Variants in IL1RAPL2 observed in about 807,000 individuals in gnomAD.
The protein encoded by IL1RAPL2 is interleukin 1 receptor accessory protein like 2.
A neutral mutation model predicts 44.1 loss-of-function variants in IL1RAPL2; 3 were observed. The ratio of observed to expected loss-of-function variants is 0.07; its 90% CI spans 0.03 to 0.18. The LOEUF (loss-of-function observed/expected upper bound fraction) is 0.18. Among genes scored for constraint, IL1RAPL2 ranks in the 10% least tolerant of loss-of-function variants. The probability of loss-of-function intolerance (pLI) is 1.00; values close to 1 mark genes in which losing one functional copy is unlikely to be tolerated. For missense variants in IL1RAPL2, 391 were observed against 496.4 expected (o/e 0.79, Z 2.02); for synonymous variants, 181 against 178.8 (o/e 1.01, Z -0.10).
At chrX:105,651,603 A>G (rs917124196) in intron 6 of IL1RAPL2, among the ~76,000 whole-genome samples, 1 of 111,598 alleles carries the variant, frequency 9.0e-6, no homozygotes, top group Non-Finnish European at 1.9e-5. Flanking sequence ...TCATTTTACA[A>G]TGTGCTATTT....
chrX:105,422,488 A>G (rs192124498), intron 5 of IL1RAPL2, among the ~76,000 whole-genome samples: 25 of 112,406 alleles, frequency 2.2e-4, no homozygotes, highest in African/African-American at 7.7e-4. Flanking sequence ...GTCCTGTTAT[A>G]GAGGAAAACA....
chrX:104,910,213 C>T (rs923465300), intron 2 of IL1RAPL2, among the ~76,000 whole-genome samples: 6 of 112,015 alleles, frequency 5.4e-5, no homozygotes, highest in African/African-American at 1.9e-4. Context: ...TGCTTCGGCT[C>T]GCTCACGGTG....
At chrX:104,967,667 T>C (rs2030152565) in intron 2 of IL1RAPL2, among the ~76,000 whole-genome samples, 1 of 110,496 alleles carries the variant, frequency 9.1e-6, no homozygotes, top group Admixed American at 9.6e-5. Context: ...TGTACATACA[T>C]GAGAAGAAGA....
At chrX:105,335,257 G>A (rs947487048) in intron 5 of IL1RAPL2, among the ~76,000 whole-genome samples, 2 of 111,417 alleles carry the variant, frequency 1.8e-5, no homozygotes, top group Admixed American at 1.9e-4. Flanking sequence ...CACCATAGCT[G>A]TTCAGTGGGT....
chrX:104,762,058 T>C (rs1330280277), intron 2 of IL1RAPL2, among the ~76,000 whole-genome samples: 1 of 106,783 alleles, frequency 9.4e-6, no homozygotes, highest in Non-Finnish European at 1.9e-5. Context: ...AGTGCAATGG[T>C]GCAATCTCAG....
chrX:104,902,267 G>T (rs1245546785), intron 2 of IL1RAPL2, among the ~76,000 whole-genome samples: 3 of 111,971 alleles, frequency 2.7e-5, no homozygotes, highest in Non-Finnish European at 5.6e-5. Flanking sequence ...GACTGAGGAG[G>T]TGAAAGCTAA....
In IL1RAPL2 at chrX:105,039,166, C is replaced by T. The variant is rs145999118; in HGVS notation, c.83-156309C>T. On this transcript the variant is annotated intron_variant, in intron 2 of 10. Transcript: ENST00000372582. ...CTGCAAATATCTCTAACTGCACAAACATTAGCAAGAGAAAATATTGATTTA... is the reference window on the plus strand; with the variant it reads ...CTGCAAATATCTCTAACTGCACAAATATTAGCAAGAGAAAATATTGATTTA... Among the ~76,000 whole-genome samples, 24 of 111,778 alleles carry T rather than the reference C, an allele frequency of 2.1e-4. 1 individual carries two copies. The highest frequency in any genetic ancestry group is 4.1e-4 in the Non-Finnish European group (22 of 53,104).
intron 2 of IL1RAPL2, among the ~76,000 whole-genome samples, chrX:104,681,035 T>C (rs1320597557): frequency 2.7e-5 from 3 of 111,838 alleles, no homozygotes; most frequent in African/African-American, 9.7e-5. Context: ...GCACAGCGAG[T>C]TCTGTCAGAG....
intron 2 of IL1RAPL2, among the ~76,000 whole-genome samples, chrX:104,726,764 G>A (rs1931802931): frequency 9.0e-6 from 1 of 110,840 alleles, no homozygotes; most frequent in African/African-American, 3.3e-5. Flanking sequence ...TTGCTTATCA[G>A]CTTAAGGAGA....
At chrX:105,505,062 C>T (rs757340272) in intron 6 of IL1RAPL2, among the ~76,000 whole-genome samples, 22 of 111,410 alleles carry the variant, frequency 2.0e-4, no homozygotes, top group African/African-American at 7.2e-4. Context: ...CTTGTTCTGT[C>T]TAGAGCCATA....
At chrX:105,309,037 A>T (rs60067307) in intron 5 of IL1RAPL2, among the ~76,000 whole-genome samples, 4,026 of 110,021 alleles carry the variant, frequency 0.037, 198 homozygotes, top group African/African-American at 0.13. Flanking sequence ...TTAATTAATT[A>T]ATTAATTAAT....
chrX:104,603,697 G>C (rs923406265), intron 1 of IL1RAPL2, among the ~76,000 whole-genome samples: 1 of 111,423 alleles, frequency 9.0e-6, no homozygotes, highest in African/African-American at 3.3e-5. Context: ...GCGGAAGAAA[G>C]GATATCAGTG....
chrX:104,572,700 T>C (rs766365258), intron 1 of IL1RAPL2, among the ~76,000 whole-genome samples: 1 of 111,665 alleles, frequency 9.0e-6, no homozygotes, highest in African/African-American at 3.3e-5. Flanking sequence ...GCTCAAGCAA[T>C]CCTCTCACCT....
At position 105,034,554 on chromosome X, in the gene IL1RAPL2, C is replaced by T. The variant is rs189875649; in HGVS notation, c.83-160921C>T. Among the ~76,000 whole-genome samples the T allele has an allele frequency of 4.0e-3, 447 of 111,968 alleles. 3 individuals are homozygous for T. Among genetic ancestry groups the T allele is most frequent in the African/African-American group, 0.013 (413 of 30,831 alleles). ...CAGAACAGCGGTGGCTGTAGAACAG[C>T]GGATATTGGTGAACTGCAAATGCTG... On this transcript the variant is annotated intron_variant, in intron 2 of 10. Coordinates refer to ENST00000372582, the MANE Select transcript of IL1RAPL2 (RefSeq NM_017416.2).
At chrX:104,941,927 G>A (rs1298173936) in intron 2 of IL1RAPL2, among the ~76,000 whole-genome samples, 2 of 111,645 alleles carry the variant, frequency 1.8e-5, no homozygotes, top group African/African-American at 6.5e-5. Context: ...TGGCTAGCCA[G>A]TTTTCCCAGC....
chrX:104,912,728 G>A (rs1924283307), intron 2 of IL1RAPL2, among the ~76,000 whole-genome samples: 4 of 111,479 alleles, frequency 3.6e-5, no homozygotes, highest in Admixed American at 2.9e-4. Flanking sequence ...GAGCCAACTG[G>A]TTCAGATTAA....
At chrX:105,720,553 A>G (rs971166223) in intron 7 of IL1RAPL2, among the ~76,000 whole-genome samples, 5 of 111,842 alleles carry the variant, frequency 4.5e-5, no homozygotes, top group Non-Finnish European at 9.4e-5. Flanking sequence ...TTTATTGCCA[A>G]ATAGTATTCC....
At chrX:104,618,003 G>T (rs1040924427) in intron 1 of IL1RAPL2, among the ~76,000 whole-genome samples, 4 of 111,734 alleles carry the variant, frequency 3.6e-5, no homozygotes, top group Admixed American at 2.9e-4. Context: ...TTTCATGCAG[G>T]TAGGATTTCT....
chrX:104,847,023 T>C (rs1240072573), intron 2 of IL1RAPL2, among the ~76,000 whole-genome samples: 26 of 112,266 alleles, frequency 2.3e-4, no homozygotes, highest in Middle Eastern at 4.7e-3. Context: ...TCATATCCTT[T>C]GCCCACTTTT....
Sources: gnomAD v4.1 joint callset for allele counts (sites outside exome capture counted in the v4.1 genomes callset) on GRCh38, gnomAD v4.1.1 for gene constraint, MANE v1.5 for transcripts, NCBI Gene and HGNC (gene_info 2026-07-23, HGNC 2026-07-21) for gene names.